ABCA9: variants seen among roughly 807,000 people sequenced by gnomAD.
ABCA9 encodes ATP binding cassette subfamily A member 9, also known as ATP-binding cassette sub-family A member 9.
A neutral mutation model predicts 205.3 loss-of-function variants in ABCA9; 183 were observed. That is an observed-to-expected ratio of 0.89 (90% CI 0.79 to 1.01). The LOEUF (loss-of-function observed/expected upper bound fraction) is 1.01. ABCA9 is among the 50% of genes least tolerant of loss of function. The pLI, the probability that ABCA9 is intolerant of heterozygous loss-of-function variation, is 0.00. For missense variants in ABCA9, 1,805 were observed against 1,912.4 expected (o/e 0.94, Z 1.05); for synonymous variants, 651 against 683.3 (o/e 0.95, Z 0.74).
intron 23 of ABCA9, among the ~76,000 whole-genome samples, 183 bp from the exon 24 acceptor site, chr17:69,008,418 C>T (rs567011187): frequency 3.1e-4 from 47 of 152,290 alleles, no homozygotes; most frequent in African/African-American, 6.5e-4. Flanking sequence ...CTGCAAGCCA[C>T]GTCATTATTT....
At chr17:69,053,378 C>T (rs2071969192) in intron 1 of ABCA9, among the ~76,000 whole-genome samples, 1 of 152,172 alleles carries the variant, frequency 6.6e-6, no homozygotes, top group Non-Finnish European at 1.5e-5. Flanking sequence ...CCCATCACCC[C>T]TATGACTCAG....
intron 26 of ABCA9, among the ~76,000 whole-genome samples, chr17:68,993,882 AT>A (rs1359692726): frequency 2.0e-5 from 3 of 150,616 alleles, no homozygotes; most frequent in South Asian, 2.1e-4. Flanking sequence ...CTGATACTAT[AT>A]TTTTTTTTAT....
intron 34 of ABCA9, 121 bp from the exon 35 acceptor site, chr17:68,984,296 A>AG (rs1327299543): frequency 1.1e-5 from 15 of 1,400,416 alleles, no homozygotes; most frequent in African/African-American, 1.4e-5. Flanking sequence ...TAGACAAAAA[A>AG]GGGGTGTGTG....
chr17:69,042,335 C>T (rs1295581233), intron 6 of ABCA9: 3 of 152,130 alleles, frequency 2.0e-5, no homozygotes, highest in Non-Finnish European at 4.4e-5. Context: ...CTACGTTTTA[C>T]AGAAGAGAAA....
intron 6 of ABCA9, among the ~76,000 whole-genome samples, chr17:69,037,804 A>C (rs1316797837): frequency 6.6e-6 from 1 of 152,164 alleles, no homozygotes; most frequent in African/African-American, 2.4e-5. Flanking sequence ...AGATTAACAA[A>C]ATAGATAGAC....
Position 69,021,757 on chromosome 17 carries a change from T to C in ABCA9, c.2386A>G (p.Thr796Ala), listed in dbSNP as rs770242782. 5.4e-5 allele frequency: 86 copies of C among 1,585,782 alleles called. No homozygotes were observed. The highest frequency in any genetic ancestry group is 7.3e-5 in the Non-Finnish European group (85 of 1,164,204). Reference protein sequence around the residue: ...EVFLKLEGKSTIDESDIGIWG... With the variant: ...EVFLKLEGKSAIDESDIGIWG... Reference sequence around the variant, plus strand: ...TTTTTCTTACCTGATTCATCAATAGTTGATTTTCCTTCTAATTTCAGAAAC... The same window carrying C: ...TTTTTCTTACCTGATTCATCAATAGCTGATTTTCCTTCTAATTTCAGAAAC... Residue 796 changes from threonine to alanine, a missense_variant, in exon 18 of 39, where the codon ACT becomes GCT. Thr to Ala is a moderately conservative substitution (Grantham distance 58). Transcript: ENST00000340001.
rs2069177175 is a variant in ABCA9 at position 68,984,892 on chromosome 17, G to A, written c.4372C>T (p.Gln1458Ter). Residue 1458 changes from glutamine (Q) to a stop codon, truncating the protein, a stop_gained, in exon 34 of 39, where the codon CAA (glutamine) becomes TAA (stop). Transcript: ENST00000340001. LOFTEE classifies it high-confidence loss of function. ...STGMDPEGQQ[Q>*]MWQVIRATFR... ...CTCATGATAGCACCTCACCACATTT[G>A]CTGCTGCCCCTCGGGGTCCATCCCG... 1.2e-6 allele frequency: 2 copies of A among 1,613,970 alleles called. No individual in the cohort carries two copies. Among genetic ancestry groups the A allele is most frequent in the Middle Eastern group, 1.6e-4 (1 of 6,082 alleles).
intron 25 of ABCA9, among the ~76,000 whole-genome samples, chr17:68,997,889 C>T (rs1413312468): frequency 1.3e-5 from 2 of 152,072 alleles, no homozygotes; most frequent in Non-Finnish European, 2.9e-5. Context: ...TATATGTATC[C>T]ACCATTATAG....
At chr17:69,030,044 T>TA (rs1403688850) in intron 10 of ABCA9, among the ~76,000 whole-genome samples, 1 of 152,044 alleles carries the variant, frequency 6.6e-6, no homozygotes, top group Non-Finnish European at 1.5e-5. Context: ...AAATAGAAGT[T>TA]AAAAAGAAGA....
chr17:69,051,189 A>G, intron 1 of ABCA9, 50 bp from the exon 2 acceptor site: 1 of 1,521,096 alleles, frequency 6.6e-7, no homozygotes, highest in Non-Finnish European at 9.0e-7. Context: ...TCTAAAGTAG[A>G]AAACATTGTG....
At position 68,990,917 on chromosome 17, in the gene ABCA9, C is replaced by T. The variant is rs1039138348; in HGVS notation, c.3757G>A (p.Glu1253Lys). Reference sequence around the variant, plus strand: ...ATATCTTCCTCCTCTCCTTCAGGCTCTTCTGGGTTTGGAAAAATAGCGTTG... The same window carrying T: ...ATATCTTCCTCCTCTCCTTCAGGCTTTTCTGGGTTTGGAAAAATAGCGTTG... ...RSNAIFPNPE[E>K]PEGEEEDIQM... Residue 1253 changes from glutamate to lysine, a missense_variant, in exon 29 of 39, where the codon GAG (glutamate) becomes AAG (lysine). Coordinates refer to ENST00000340001, the MANE Select transcript of ABCA9 (RefSeq NM_080283.4). The T allele has an allele frequency of 6.2e-7, 1 of 1,613,662 alleles. No homozygotes were observed. Among genetic ancestry groups the T allele is most frequent in the African/African-American group, 1.3e-5 (1 of 74,902 alleles).
intron 3 of ABCA9, among the ~76,000 whole-genome samples, chr17:69,046,912 T>G (rs1038975485): frequency 1.1e-4 from 13 of 121,724 alleles, no homozygotes; most frequent in South Asian, 2.7e-4. Context: ...TATATATATA[T>G]AAAATTTTAT....
rs2070898366 is a variant in ABCA9, at chr17:69,023,905, C to T, written c.2281+309G>A. ...CCTGTTCCTGCCCTGACCACACTCTCTCATTCATTACTGAAACAAATTTTC... is the reference window on the plus strand; with the variant it reads ...CCTGTTCCTGCCCTGACCACACTCTTTCATTCATTACTGAAACAAATTTTC... On this transcript the variant is annotated intron_variant, in intron 17 of 38. Transcript: ENST00000340001. This position sits in a 1 kb window ranked among gnomAD's most constrained non-coding sequence, Gnocchi z 4.2. Among the ~76,000 whole-genome samples the T allele has an allele frequency of 6.6e-6, 1 of 152,100 alleles. No individual in the cohort carries two copies. The highest frequency in any genetic ancestry group is 1.9e-4 in the East Asian group (1 of 5,200).
the ABCA9 span, among the ~76,000 whole-genome samples, chr17:69,074,644 C>A: frequency 2.6e-5 from 4 of 152,224 alleles, no homozygotes; most frequent in South Asian, 8.3e-4. Flanking sequence ...TTTCCTTTAT[C>A]CAATCCACCA....
upstream of ABCA9, chr17:69,061,225 G>A (rs1360445664): frequency 2.3e-6 from 2 of 882,658 alleles, no homozygotes; most frequent in Non-Finnish European, 2.7e-6. Flanking sequence ...TTTCATACAA[G>A]GCCCTAATGG....
rs267605020 is a variant in ABCA9 at position 69,032,262 on chromosome 17, G to A, written c.1291C>T (p.Arg431Ter). 1.2e-6 allele frequency: 2 copies of A among 1,613,472 alleles called. No homozygotes were observed. The highest frequency in any genetic ancestry group is 2.2e-5 in the East Asian group (1 of 44,846). The change falls in exon 10 of 39, where the codon CGA becomes TGA. Residue 431 changes from arginine (R) to a stop codon, truncating the protein, a stop_gained. Coordinates refer to ENST00000340001, the MANE Select transcript of ABCA9 (RefSeq NM_080283.4). LOFTEE classifies it high-confidence loss of function. ...DKILPAEYGH[R>*]CSPLFFLKSC... ...TTCAGGAAAAACAAGGGAGAACATC[G>A]ATGTCCATATTCAGCTATGTGAGCA...
chr17:69,021,612 A>G, intron 18 of ABCA9, 130 bp downstream of exon 18: 2 of 620,540 alleles, frequency 3.2e-6, no homozygotes, highest in Non-Finnish European at 5.4e-6. Flanking sequence ...ACAAAAGTAT[A>G]TAATCTCATC....
intron 9 of ABCA9, 146 bp downstream of exon 9, chr17:69,033,580 C>A: frequency 1.6e-6 from 1 of 640,562 alleles, no homozygotes; most frequent in Non-Finnish European, 2.6e-6. Context: ...GAAAGTGATT[C>A]TATAAACAAA....
chr17:68,997,651 C>T (rs2069678061), intron 25 of ABCA9, among the ~76,000 whole-genome samples: 1 of 138,628 alleles, frequency 7.2e-6, no homozygotes, highest in East Asian at 2.1e-4. Flanking sequence ...TTTTTTGGAG[C>T]AGTTTTAGCT....
Sources: allele counts gnomAD v4.1 joint callset (sites outside exome capture counted in the v4.1 genomes callset), GRCh38; gene constraint gnomAD v4.1.1; non-coding constraint Gnocchi (gnomAD v3.1); transcripts MANE v1.5; gene names NCBI Gene and HGNC (gene_info 2026-07-23, HGNC 2026-07-21).